FNIP1: variants seen among roughly 807,000 people sequenced by gnomAD.
FNIP1 encodes folliculin-interacting protein 1.
FNIP1 carries 40 observed loss-of-function variants against 124.5 expected under a neutral mutation model. The observed-to-expected ratio is 0.32, with a 90% CI of 0.25 to 0.42. FNIP1 has a LOEUF of 0.42. Ranked by LOEUF, FNIP1 falls within the 10% of genes least tolerant of loss-of-function variation. The pLI, the probability that FNIP1 is intolerant of heterozygous loss-of-function variation, is 1.00. For missense variants in FNIP1, 1,176 were observed against 1,403.7 expected (o/e 0.84, Z 2.59); for synonymous variants, 472 against 470.6 (o/e 1.00, Z -0.04).
At chr5:131,759,431 G>A (rs1276962831) in intron 1 of FNIP1, among the ~76,000 whole-genome samples, 1 of 151,922 alleles carries the variant, frequency 6.6e-6, no homozygotes, top group African/African-American at 2.4e-5. Flanking sequence ...TTAAAAAAAT[G>A]GCCAAAGACA....
intron 10 of FNIP1, 121 bp downstream of exon 10, chr5:131,703,944 A>G: frequency 2.6e-6 from 2 of 771,904 alleles, no homozygotes; most frequent in Admixed American, 3.0e-5. Flanking sequence ...CATCCACCAG[A>G]GCACTTTATA....
At chr5:131,776,587 T>C (rs1400078920) in intron 1 of FNIP1, among the ~76,000 whole-genome samples, 1 of 152,340 alleles carries the variant, frequency 6.6e-6, no homozygotes, top group East Asian at 1.9e-4. Flanking sequence ...TGAATAAATC[T>C]GAAATACCTT....
At chr5:131,680,857 G>T (rs755833174) in intron 11 of FNIP1, among the ~76,000 whole-genome samples, 1 of 152,120 alleles carries the variant, frequency 6.6e-6, no homozygotes, top group African/African-American at 2.4e-5. Flanking sequence ...ACAAACATAT[G>T]GTGGAATTGT....
At position 131,723,483 on chromosome 5, in the gene FNIP1, A is replaced by G. The variant is rs190538284; in HGVS notation, c.355-4066T>C. 6.0e-3 allele frequency among the ~76,000 whole-genome samples: 909 copies of G among 152,320 alleles called. 6 individuals carry two copies. The highest frequency in any genetic ancestry group is 0.021 in the African/African-American group (871 of 41,570). On this transcript the variant is annotated intron_variant, in intron 3 of 17. Transcript: ENST00000510461. ...TAAGGTTCTCTTTGTCTGTTCTAACATATACTAAATAGTTACCATGAATGT... is the reference window on the plus strand; with the variant it reads ...TAAGGTTCTCTTTGTCTGTTCTAACGTATACTAAATAGTTACCATGAATGT...
At chr5:131,727,780 G>A (rs950694246) in intron 3 of FNIP1, among the ~76,000 whole-genome samples, 2 of 152,080 alleles carry the variant, frequency 1.3e-5, no homozygotes, top group African/African-American at 4.8e-5. Context: ...TGTCAACAGT[G>A]TTTACAATTT....
intron 13 of FNIP1, among the ~76,000 whole-genome samples, chr5:131,676,228 T>A (rs1767908102): frequency 1.3e-5 from 2 of 152,116 alleles, no homozygotes; most frequent in Admixed American, 1.3e-4. Flanking sequence ...TAAGCCAGGA[T>A]GGTCTCGATC....
At position 131,672,095 on chromosome 5, in the gene FNIP1, T is replaced by C. The variant is rs762908443; in HGVS notation, c.2349A>G (p.Pro783=). 3 of 1,614,194 alleles carry C rather than the reference T, an allele frequency of 1.9e-6. No homozygotes were observed. The highest frequency in any genetic ancestry group is 2.5e-6 in the Non-Finnish European group (3 of 1,180,034). ...CAATAGCCCCTCTTTCTTCCTTCAA[T>C]GGTTTGGTGTGATGTCTGGTAATCT... is the stretch of plus-strand genomic sequence containing the variant. The part of the protein sequence containing the change: ...VDQITRHHTK[P]LKEERGAIDQ... The change falls in exon 14 of 18, where the codon CCA becomes CCG. Residue 783 remains proline, a synonymous_variant. Transcript: ENST00000510461.
At chr5:131,720,617 C>T (rs553314553) in intron 3 of FNIP1, among the ~76,000 whole-genome samples, 212 of 152,262 alleles carry the variant, frequency 1.4e-3, no homozygotes, top group African/African-American at 4.6e-3. Flanking sequence ...AACCATGTAT[C>T]TGATAAGGGA....
intron 1 of FNIP1, among the ~76,000 whole-genome samples, chr5:131,792,185 A>C (rs1263030746): frequency 3.9e-5 from 5 of 129,226 alleles, no homozygotes; most frequent in Non-Finnish European, 7.9e-5. Flanking sequence ...TTTGAGACGG[A>C]GTTTCACTCT....
chr5:131,693,340 A>ATATG lies in FNIP1; in HGVS notation c.1202+5576_1202+5577insCATA, dbSNP rs796211086. Among the ~76,000 whole-genome samples, 436 of 128,802 alleles carry ATATG rather than the reference A, an allele frequency of 3.4e-3. 7 individuals are homozygous for ATATG. In the East Asian group the frequency reaches 0.046, roughly 14 times the overall value. The allele number at this position is 128,802 out of a possible 152,430, so 84.5% of individuals were successfully genotyped here. A position where few individuals can be genotyped will look rare whatever the true frequency, so the allele number is the denominator to read the frequency against. On this transcript the variant is annotated intron_variant, in intron 11 of 17. Coordinates refer to ENST00000510461, the MANE Select transcript of FNIP1 (RefSeq NM_133372.3). Reference sequence around the variant, plus strand: ...TACACATATATATATATACATATATATATATATATATATATATATATAGTT... The same window carrying ATATG: ...TACACATATATATATATACATATATATATGTATATATATATATATATATATAGTT...
chr5:131,688,289 TAA>T (rs565453128), intron 11 of FNIP1, among the ~76,000 whole-genome samples: 8 of 118,780 alleles, frequency 6.7e-5, no homozygotes, highest in Admixed American at 1.7e-4. Flanking sequence ...GAGTTTAAAA[TAA>T]AAAAAAAAAA....
At chr5:131,653,572 T>C (rs1767106670) in intron 15 of FNIP1, among the ~76,000 whole-genome samples, 1 of 149,902 alleles carries the variant, frequency 6.7e-6, no homozygotes, top group African/African-American at 2.5e-5. Context: ...CATACAGTTA[T>C]GTTTCTAAAA....
rs1369382308 is a variant in FNIP1, at chr5:131,642,735, G to A, written c.*1950C>T. The A allele has an allele frequency of 3.3e-5, 5 of 152,000 alleles. No homozygotes were observed. The highest frequency in any genetic ancestry group is 9.7e-5 in the African/African-American group (4 of 41,360). 9.4% of individuals were successfully genotyped at this position (152,000 alleles called of 1,614,324 possible). A position where few individuals can be genotyped will look rare whatever the true frequency, so the allele number is the denominator to read the frequency against. Reference sequence around the variant, plus strand: ...AAAAATAAAAAATTAGCTGGGTGTGGTGGCGCACACTTGTAATCCCAGCTA... The same window carrying A: ...AAAAATAAAAAATTAGCTGGGTGTGATGGCGCACACTTGTAATCCCAGCTA... On this transcript the variant is annotated 3_prime_UTR_variant, in exon 18 of 18. Coordinates refer to ENST00000510461, the MANE Select transcript of FNIP1 (RefSeq NM_133372.3).
At chr5:131,646,719 A>C (rs948629557) in intron 17 of FNIP1, among the ~76,000 whole-genome samples, 1 of 152,190 alleles carries the variant, frequency 6.6e-6, no homozygotes, top group African/African-American at 2.4e-5. Context: ...TGGATAACGT[A>C]TTACCATCTA....
At position 131,704,229 on chromosome 5, in the gene FNIP1, A is replaced by G; in HGVS notation, c.952T>C (p.Cys318Arg). 1 of 1,613,408 alleles carries G rather than the reference A, an allele frequency of 6.2e-7. No homozygotes were observed. Among genetic ancestry groups the G allele is most frequent in the South Asian group, 1.1e-5 (1 of 90,964 alleles). Residue 318 changes from cysteine to arginine, a missense_variant, in exon 10 of 18, where the codon TGT (cysteine) becomes CGT (arginine). Coordinates refer to ENST00000510461, the MANE Select transcript of FNIP1 (RefSeq NM_133372.3). ...EESFNLSDES[C>R]GPNPGIVRKK... Reference sequence around the variant, plus strand: ...CGCACAATTCCTGGGTTAGGGCCACAGCTTTCATCTGAGAGATTAAAGCTT... The same window carrying G: ...CGCACAATTCCTGGGTTAGGGCCACGGCTTTCATCTGAGAGATTAAAGCTT...
chr5:131,794,478 G>A (rs1772512174), intron 1 of FNIP1, among the ~76,000 whole-genome samples: 1 of 151,726 alleles, frequency 6.6e-6, no homozygotes. Context: ...TTCTATCCAA[G>A]AGAAAAGAAA....
chr5:131,741,802 T>C (rs1770520573), intron 2 of FNIP1, among the ~76,000 whole-genome samples: 1 of 152,186 alleles, frequency 6.6e-6, no homozygotes, highest in Non-Finnish European at 1.5e-5. Context: ...AAACAATCAA[T>C]AGGATTTTGA....
chr5:131,704,599 T>C (rs1439741775), intron 9 of FNIP1, among the ~76,000 whole-genome samples: 1 of 152,184 alleles, frequency 6.6e-6, no homozygotes, highest in African/African-American at 2.4e-5. Context: ...CTTTTCCCTG[T>C]TCTAGGCCCT....
chr5:131,784,979 TATATATC>T (rs1397314378), intron 1 of FNIP1, among the ~76,000 whole-genome samples: 8 of 143,346 alleles, frequency 5.6e-5, no homozygotes, highest in African/African-American at 1.5e-4. Context: ...TATAACTATA[TATATATC>T]ATATATATAT....
Sources: gnomAD v4.1 joint callset for allele counts (sites outside exome capture counted in the v4.1 genomes callset) on GRCh38, gnomAD v4.1.1 for gene constraint, MANE v1.5 for transcripts, NCBI Gene and HGNC (gene_info 2026-07-23, HGNC 2026-07-21) for gene names.